The following PDE4D variants were observed in gnomAD, a reference collection of about 807,000 sequenced individuals.
The protein encoded by PDE4D is phosphodiesterase 4D.
Under a neutral mutation model 87.4 loss-of-function variants are expected in PDE4D, and 24 were observed. The observed-to-expected ratio is 0.27, with a 90% CI of 0.20 to 0.39. The LOEUF (loss-of-function observed/expected upper bound fraction) is 0.39, where lower values mean the gene tolerates loss of function less well. Ranked by LOEUF, PDE4D falls within the 10% of genes least tolerant of loss-of-function variation. The pLI, the probability that PDE4D is intolerant of heterozygous loss-of-function variation, is 1.00. For synonymous variants in PDE4D, 384 were observed against 383.2 expected, an observed-to-expected ratio of 1.00 and a Z score of -0.02; for missense variants, 714 against 1,041.0, an observed-to-expected ratio of 0.69 and a Z score of 4.32.
At chr5:60,276,219 G>C (rs1476882362) in intron 1 of PDE4D, among the ~76,000 whole-genome samples, 1 of 152,168 alleles carries the variant, frequency 6.6e-6, no homozygotes, top group African/African-American at 2.4e-5. Context: ...TGTTGAGAAA[G>C]AAGGGCTGGA....
At chr5:59,297,610 T>G (rs1204685300) in intron 1 of PDE4D, among the ~76,000 whole-genome samples, 1 of 152,084 alleles carries the variant, frequency 6.6e-6, no homozygotes, top group Non-Finnish European at 1.5e-5. Flanking sequence ...AAAGTTTCAG[T>G]GAGTGCAAAA....
intron 2 of PDE4D, among the ~76,000 whole-genome samples, chr5:60,004,474 C>T (rs1764291417): frequency 6.6e-6 from 1 of 151,998 alleles, no homozygotes; most frequent in Non-Finnish European, 1.5e-5. Flanking sequence ...TACTATATTA[C>T]TTTTTAATTA....
intron 1 of PDE4D, among the ~76,000 whole-genome samples, chr5:59,836,432 A>G (rs1478139151): frequency 6.6e-6 from 1 of 152,118 alleles, no homozygotes; most frequent in African/African-American, 2.4e-5. Flanking sequence ...ACAAAGAGAT[A>G]TCAAAAATAA....
At position 60,510,522 on chromosome 5, in the gene PDE4D, A is replaced by G. The variant is rs533116134; in HGVS notation, n.70+11529T>C. Among the ~76,000 whole-genome samples, 6 of 152,292 alleles carry G rather than the reference A, an allele frequency of 3.9e-5. No homozygotes were observed. In the East Asian group the frequency reaches 1.2e-3, roughly 29 times the overall value. ...AGAGGCAAGAAATGGCTAAAAAAAC[A>G]TGTCTAGCTAAAATAACAGCTGGGA... On this transcript the variant is annotated intron_variant and non_coding_transcript_variant, in intron 1 of 2. Transcript: ENST00000506510.
chr5:59,735,040 A>G (rs758261013), intron 1 of PDE4D, among the ~76,000 whole-genome samples: 3 of 152,210 alleles, frequency 2.0e-5, no homozygotes, highest in Admixed American at 6.5e-5. Context: ...TTCTACTCAG[A>G]AAAATATCAG....
chr5:60,185,567 C>T (rs765731464), exon 2 of PDE4D: 69 of 1,528,346 alleles, frequency 4.5e-5, no homozygotes, highest in Non-Finnish European at 5.4e-5. Context: ...ACTTTTGCTC[C>T]GAGAAAGCAA....
chr5:60,318,242 G>C (rs1166692545), intron 1 of PDE4D, among the ~76,000 whole-genome samples: 13 of 152,014 alleles, frequency 8.6e-5, no homozygotes, highest in East Asian at 7.7e-4. Context: ...TATGTAATGG[G>C]CTTCTTTGTC....
intron 1 of PDE4D, among the ~76,000 whole-genome samples, chr5:59,819,539 GTCC>G (rs1769398007): frequency 1.3e-5 from 2 of 152,116 alleles, no homozygotes; most frequent in South Asian, 2.1e-4. Context: ...ACGTAGAGTT[GTCC>G]TCCTTGATTT....
At chr5:60,021,823 A>G (rs952115828) in intron 2 of PDE4D, 1 of 152,222 alleles carries the variant, frequency 6.6e-6, no homozygotes, top group Non-Finnish European at 1.5e-5. Flanking sequence ...TTTCAAGTCC[A>G]TCCTCAAGAA....
chr5:60,423,522 A>G (rs1431283244), intron 1 of PDE4D, among the ~76,000 whole-genome samples: 1 of 152,226 alleles, frequency 6.6e-6, no homozygotes, highest in Non-Finnish European at 1.5e-5. Flanking sequence ...ACATACCAGA[A>G]TCTCTGGGAC....
chr5:59,456,417 G>T (rs1326831300), intron 1 of PDE4D, among the ~76,000 whole-genome samples: 3 of 152,046 alleles, frequency 2.0e-5, no homozygotes, highest in African/African-American at 7.3e-5. Flanking sequence ...CTTGCCCTCC[G>T]CCATGACTGT....
chr5:60,325,642 T>G (rs2149852585), intron 1 of PDE4D, among the ~76,000 whole-genome samples: 1 of 152,268 alleles, frequency 6.6e-6, no homozygotes, highest in African/African-American at 2.4e-5. Flanking sequence ...TAGATTCACA[T>G]GCAGTTATAA....
chr5:59,542,906 C>G (rs1366738489), intron 1 of PDE4D, among the ~76,000 whole-genome samples: 1 of 152,106 alleles, frequency 6.6e-6, no homozygotes, highest in Non-Finnish European at 1.5e-5. Context: ...AAATACTAAT[C>G]AACTGAAACA....
intron 1 of PDE4D, among the ~76,000 whole-genome samples, chr5:59,459,240 G>GA (rs1376809449): frequency 6.6e-6 from 1 of 152,076 alleles, no homozygotes; most frequent in Non-Finnish European, 1.5e-5. Context: ...CTTATGTACT[G>GA]AAAAAACCAG....
chr5:59,482,671 T>C (rs1804473175), intron 1 of PDE4D, among the ~76,000 whole-genome samples: 2 of 152,188 alleles, frequency 1.3e-5, no homozygotes, highest in Non-Finnish European at 2.9e-5. Flanking sequence ...GGTGTACACA[T>C]CATTATCATA....
chr5:58,975,899 A>G lies in PDE4D; in HGVS notation c.1831-60T>C. On this transcript the variant is annotated intron_variant, in intron 13 of 14. Coordinates refer to ENST00000340635, the MANE Select transcript of PDE4D (RefSeq NM_001104631.2). The surrounding 1 kb of genome is among the most constrained non-coding windows in gnomAD (Gnocchi z 4.2). ...GTTCCTTTTTTTTAAAAAAAAAAAC[A>G]AAAAAAACTAGAAATTCACATTGGA... 1.1e-6 allele frequency: 1 copy of G among 951,776 alleles called. No homozygotes were observed. The highest frequency in any genetic ancestry group is 2.9e-5 in the East Asian group (1 of 34,342). 59.0% of individuals were successfully genotyped at this position (951,776 alleles called of 1,614,324 possible). A position where few individuals can be genotyped will look rare whatever the true frequency, so the allele number is the denominator to read the frequency against.
intron 1 of PDE4D, among the ~76,000 whole-genome samples, chr5:60,274,939 AT>A (rs1222292796): frequency 6.6e-6 from 1 of 152,224 alleles, no homozygotes; most frequent in Non-Finnish European, 1.5e-5. Context: ...CAGACCACAA[AT>A]TAAAATCTGT....
At chr5:59,959,260 G>A (rs1375781652) in intron 3 of PDE4D, among the ~76,000 whole-genome samples, 4 of 152,024 alleles carry the variant, frequency 2.6e-5, no homozygotes, top group African/African-American at 9.7e-5. Flanking sequence ...AGCTTTGAAT[G>A]ACTAATATCA....
chr5:60,250,633 C>G (rs540200989), intron 1 of PDE4D, among the ~76,000 whole-genome samples: 26 of 151,954 alleles, frequency 1.7e-4, no homozygotes, highest in African/African-American at 6.3e-4. Flanking sequence ...ATGTTTGTAG[C>G]AATGTTGGCA....
Sources: allele counts gnomAD v4.1 joint callset (sites outside exome capture counted in the v4.1 genomes callset), GRCh38; gene constraint gnomAD v4.1.1; non-coding constraint Gnocchi (gnomAD v3.1); transcripts MANE v1.5; gene names NCBI Gene and HGNC (gene_info 2026-07-23, HGNC 2026-07-21).